Variants in PODN observed in about 807,000 individuals in gnomAD.
The protein encoded by PODN is podocan.
A neutral mutation model predicts 52.7 loss-of-function variants in PODN; 40 were observed. The ratio of observed to expected loss-of-function variants is 0.76; its 90% CI spans 0.59 to 0.99. The LOEUF is 0.99. PODN is among the 50% of genes least tolerant of loss of function. PODN has a pLI of 0.00. For synonymous variants in PODN, 396 were observed against 377.9 expected, an observed-to-expected ratio of 1.05 and a Z score of -0.56; for missense variants, 720 against 815.1, an observed-to-expected ratio of 0.88 and a Z score of 1.42.
chr1:53,070,059 C>T lies in PODN; in HGVS notation c.204C>T (p.Cys68=), dbSNP rs1207991137. 5 of 1,612,972 alleles carry T rather than the reference C, an allele frequency of 3.1e-6. No individual in the cohort carries two copies. Among genetic ancestry groups the T allele is most frequent in the East Asian group, 2.2e-5 (1 of 44,882 alleles). The change falls in exon 2 of 11, where the codon TGC becomes TGT. Residue 68 remains cysteine (C), a synonymous_variant. Transcript: ENST00000312553. The part of the protein sequence containing the change: ...EPGPGPAAVS[C]PRDCACSQEG... ...GGCCTGGCCCAGCCGCGGTCAGCTG[C>T]CCCCGAGACTGTGCCTGTTCCCAGG...
intron 4 of PODN, 92 bp downstream of exon 4, chr1:53,074,762 G>A (rs1329319925): frequency 7.3e-6 from 10 of 1,366,478 alleles, no homozygotes; most frequent in Non-Finnish European, 1.0e-5. Context: ...GGGCCTTTCT[G>A]GACTCCCTGC....
At chr1:53,068,896 G>GAGTGGTCTCTGGCAGGTGGC (rs1644070832) in intron 1 of PODN, among the ~76,000 whole-genome samples, 1 of 152,182 alleles carries the variant, frequency 6.6e-6, no homozygotes, top group African/African-American at 2.4e-5. Flanking sequence ...CCATGCCAGG[G>GAGTGGTCTCTGGCAGGTGGC]AGTGGTCTCT....
At chr1:53,077,541 C>T (rs1644213482) in intron 6 of PODN, 144 bp from the exon 7 acceptor site, 7 of 1,128,604 alleles carry the variant, frequency 6.2e-6, no homozygotes, top group Admixed American at 4.6e-5. Flanking sequence ...TTGTGTGTGG[C>T]GTTGGTGGCC....
In PODN at chr1:53,066,022, G is replaced by A. The variant is rs542927814; in HGVS notation, c.-56+3714G>A. Reference sequence around the variant, plus strand: ...TTTTTTTTTTTTTTTTTTTGAGACGGTCTCACTCTGTTACCCAGGCTAGAG... The same window carrying A: ...TTTTTTTTTTTTTTTTTTTGAGACGATCTCACTCTGTTACCCAGGCTAGAG... On this transcript the variant is annotated intron_variant, in intron 1 of 10. Coordinates refer to ENST00000312553, the MANE Select transcript of PODN (RefSeq NM_153703.5). Among the ~76,000 whole-genome samples, 26 of 128,388 alleles carry A rather than the reference G, an allele frequency of 2.0e-4. 1 individual carries two copies. The highest frequency in any genetic ancestry group is 1.0e-3 in the Admixed American group (13 of 12,412). The allele number at this position is 128,388 out of a possible 152,430, so 84.2% of individuals were successfully genotyped here. A position where few individuals can be genotyped will look rare whatever the true frequency, so the allele number is the denominator to read the frequency against.
chr1:53,077,454 C>G (rs1644212045), intron 6 of PODN, 108 bp downstream of exon 6: 1 of 1,496,258 alleles, frequency 6.7e-7, no homozygotes. Flanking sequence ...AGGTGCTGCC[C>G]AAGTGGGGCC....
chr1:53,074,620 G>T lies in PODN; in HGVS notation c.421G>T (p.Ala141Ser). Residue 141 changes from alanine (A) to serine (S), a missense_variant, in exon 4 of 11, where the codon GCG becomes TCG. Physicochemically the swap from Ala to Ser is moderately conservative, Grantham distance 99. Transcript: ENST00000312553. ...RLTSRGLPEKAFEHLTNLNYL... is the reference protein window; with the variant it reads ...RLTSRGLPEKSFEHLTNLNYL... ...GTCCTTTGAAGGGCTCCCAGAGAAGGCGTTTGAGCATCTGACCAACCTCAA... is the reference window on the plus strand; with the variant it reads ...GTCCTTTGAAGGGCTCCCAGAGAAGTCGTTTGAGCATCTGACCAACCTCAA... 1.2e-6 allele frequency: 2 copies of T among 1,614,096 alleles called. No homozygotes were observed. The highest frequency in any genetic ancestry group is 1.7e-6 in the Non-Finnish European group (2 of 1,180,028).
At chr1:53,073,187 CT>C in intron 3 of PODN, 1 of 221,908 alleles carries the variant, frequency 4.5e-6, no homozygotes, top group Non-Finnish European at 9.6e-6. Flanking sequence ...ATAACAAAGC[CT>C]TGAACTGCCA....
rs765999747 is a variant in PODN, at chr1:53,078,926, G to A, written c.1416G>A (p.Val472=). 27 of 1,592,734 alleles carry A rather than the reference G, an allele frequency of 1.7e-5. No individual in the cohort carries two copies. Among genetic ancestry groups the A allele is most frequent in the Non-Finnish European group, 2.2e-5 (26 of 1,169,958 alleles). Residue 472 remains valine, a synonymous_variant, in exon 8 of 11, where the codon GTG becomes GTA. Coordinates refer to ENST00000312553, the MANE Select transcript of PODN (RefSeq NM_153703.5). The part of the protein sequence containing the change: ...ELAALARGAL[V]GMAQLRELYL... ...CTGCCTTGGCACGAGGGGCGCTGGT[G>A]GGCATGGCTCAGCTGCGTGAGCTGT...
chr1:53,075,987 T>G lies in PODN; in HGVS notation c.581+16T>G. 6.4e-7 allele frequency: 1 copy of G among 1,553,860 alleles called. No individual in the cohort carries two copies. Among genetic ancestry groups the G allele is most frequent in the Non-Finnish European group, 8.7e-7 (1 of 1,143,392 alleles). On this transcript the variant is annotated intron_variant, in intron 5 of 10. Coordinates refer to ENST00000312553, the MANE Select transcript of PODN (RefSeq NM_153703.5). ...CAAACTTGAGGTCAGAGGTCGGGGG[T>G]GGTCAGGGCTCGGGCTGGGGCAAGG... is the stretch of plus-strand genomic sequence containing the variant.
chr1:53,063,353 G>A, intron 1 of PODN: 3 of 985,860 alleles, frequency 3.0e-6, no homozygotes, highest in Non-Finnish European at 3.6e-6. Context: ...TCTGCCCTTC[G>A]ATTACCGGCT....
intron 5 of PODN, among the ~76,000 whole-genome samples, chr1:53,076,337 G>A (rs4926951): frequency 2.0e-5 from 3 of 152,196 alleles, no homozygotes; most frequent in Non-Finnish European, 4.4e-5. Context: ...GGGGGCTGCC[G>A]GGGAGCCGCC....
rs571222867 is a variant in PODN, at chr1:53,078,825, G to A, written c.1315G>A (p.Gly439Ser). 5 of 1,612,836 alleles carry A rather than the reference G, an allele frequency of 3.1e-6. No homozygotes were observed. The South Asian group carries it at 5.5e-5, about 18-fold the overall frequency. Reference sequence around the variant, plus strand: ...CCTGCTGCGCTCGCTGGACCTGTCGGGCAACCGGCTGCACACGCTGCCACC... The same window carrying A: ...CCTGCTGCGCTCGCTGGACCTGTCGAGCAACCGGCTGCACACGCTGCCACC... ...LRLLRSLDLSGNRLHTLPPGL... is the reference protein window; with the variant it reads ...LRLLRSLDLSSNRLHTLPPGL... Residue 439 changes from glycine to serine, a missense_variant, in exon 8 of 11, where the codon GGC becomes AGC. Physicochemically the swap from Gly to Ser is moderately conservative, Grantham distance 56. Transcript: ENST00000312553.
intron 1 of PODN, among the ~76,000 whole-genome samples, chr1:53,063,186 G>A (rs1484238302): frequency 6.6e-6 from 1 of 152,240 alleles, no homozygotes; most frequent in Admixed American, 6.5e-5. Context: ...GCAGCCTCGG[G>A]GGCTGGGGCT....
rs1031095355 is a variant in PODN at position 53,084,983 on chromosome 1, T to C, written c.*498T>C. 1 of 152,442 alleles carries C rather than the reference T, an allele frequency of 6.6e-6. No homozygotes were observed. The highest frequency in any genetic ancestry group is 2.4e-5 in the African/African-American group (1 of 41,470). 9.4% of individuals were successfully genotyped at this position (152,442 alleles called of 1,614,324 possible). A position where few individuals can be genotyped will look rare whatever the true frequency, so the allele number is the denominator to read the frequency against. ...CAGAATCAGCCATAGCAGCTCGCCG[T>C]CTGCCCTGTCCATCTGTCCGTCCGT... is the stretch of plus-strand genomic sequence containing the variant. On this transcript the variant is annotated 3_prime_UTR_variant, in exon 11 of 11. Transcript: ENST00000312553.
At chr1:53,066,769 G>T in intron 1 of PODN, 1 of 1,494,390 alleles carries the variant, frequency 6.7e-7, no homozygotes, top group South Asian at 1.2e-5. Flanking sequence ...TTTTCAGTAC[G>T]GTGCAGAATG....
At chr1:53,071,395 T>C in intron 2 of PODN, 140 bp from the exon 3 acceptor site, 1 of 712,526 alleles carries the variant, frequency 1.4e-6, no homozygotes, top group Non-Finnish European at 2.3e-6. Context: ...ACCGGGGGTC[T>C]GCTGCCATGG....
At chr1:53,073,935 C>G (rs1185076544) in intron 3 of PODN, among the ~76,000 whole-genome samples, 1 of 152,228 alleles carries the variant, frequency 6.6e-6, no homozygotes, top group African/African-American at 2.4e-5. Context: ...TTCTCTTAGC[C>G]GTCGGCTCAG....
At chr1:53,071,426 G>A in intron 2 of PODN, 109 bp from the exon 3 acceptor site, 1 of 936,808 alleles carries the variant, frequency 1.1e-6, no homozygotes, top group Non-Finnish European at 1.6e-6. Context: ...CAAGGGAGGT[G>A]CCCAGCAGGT....
chr1:53,066,860 C>T, intron 1 of PODN: 1 of 1,549,664 alleles, frequency 6.5e-7, no homozygotes, highest in Non-Finnish European at 8.7e-7. Context: ...GGCAGAACAG[C>T]CTGCCTGGTA....
Sources: allele counts gnomAD v4.1 joint callset (sites outside exome capture counted in the v4.1 genomes callset), GRCh38; gene constraint gnomAD v4.1.1; transcripts MANE v1.5; gene names NCBI Gene and HGNC (gene_info 2026-07-23, HGNC 2026-07-21).